SPSB1: variants seen among roughly 807,000 people sequenced by gnomAD.
SPSB1 encodes splA/ryanodine receptor domain and SOCS box containing 1.
In SPSB1, 8 loss-of-function variants were observed where a neutral mutation model predicts 21.2. That is an observed-to-expected ratio of 0.38 (90% CI 0.22 to 0.68). The LOEUF (loss-of-function observed/expected upper bound fraction) is 0.68, where lower values mean the gene tolerates loss of function less well. Ranked by LOEUF, SPSB1 falls within the 30% of genes least tolerant of loss-of-function variation. SPSB1 has a pLI of 0.53. For missense variants in SPSB1, 242 were observed against 377.8 expected, an observed-to-expected ratio of 0.64 and a Z score of 2.98; for synonymous variants, 169 against 161.7, an observed-to-expected ratio of 1.05 and a Z score of -0.34.
intron 1 of SPSB1, among the ~76,000 whole-genome samples, chr1:9,296,064 C>G (rs1459239933): frequency 6.6e-6 from 1 of 152,106 alleles, no homozygotes; most frequent in Admixed American, 6.6e-5. Flanking sequence ...AACATCTCCC[C>G]CAGTCTAAAG....
intron 1 of SPSB1, among the ~76,000 whole-genome samples, chr1:9,294,226 G>A (rs146825591): frequency 2.6e-5 from 4 of 151,862 alleles, no homozygotes; most frequent in Non-Finnish European, 1.5e-5. Context: ...GTGTCTTTGC[G>A]TGTGTGTGTC....
In SPSB1 at chr1:9,298,434, ATGAATAAG is replaced by A. The variant is rs1293499939; in HGVS notation, c.-150+5369_-150+5376del. ...AATGAATGAATAAGTGAACGAATGAATGAATAAGTGAATGAATAAGTGAATGAATGAAT... is the reference window on the plus strand; with the variant it reads ...AATGAATGAATAAGTGAACGAATGAATGAATGAATAAGTGAATGAATGAAT... On this transcript the variant is annotated intron_variant, in intron 1 of 2. Transcript: ENST00000328089. Among the ~76,000 whole-genome samples the A allele has an allele frequency of 8.9e-4, 75 of 83,864 alleles. 1 individual carries two copies. Among genetic ancestry groups the A allele is most frequent in the Admixed American group, 5.2e-3 (39 of 7,466 alleles). The allele number at this position is 83,864 out of a possible 152,430, so 55.0% of individuals were successfully genotyped here.
chr1:9,343,645 T>C (rs188819320), intron 1 of SPSB1, among the ~76,000 whole-genome samples: 1 of 152,376 alleles, frequency 6.6e-6, no homozygotes, highest in African/African-American at 2.4e-5. Flanking sequence ...GGCTCCTTTC[T>C]ACCTCTTTCC....
intron 1 of SPSB1, among the ~76,000 whole-genome samples, chr1:9,312,581 C>T (rs1018092530): frequency 1.1e-4 from 16 of 152,068 alleles, no homozygotes; most frequent in African/African-American, 3.1e-4. Context: ...GGGGGAGGGC[C>T]GCATTCTCCC....
chr1:9,302,872 C>T (rs955502293), intron 1 of SPSB1, among the ~76,000 whole-genome samples: 2 of 152,144 alleles, frequency 1.3e-5, no homozygotes, highest in Non-Finnish European at 2.9e-5. Context: ...ATGGGAGTGG[C>T]ACTGCGCATC....
At chr1:9,325,790 A>G (rs1425666671) in intron 1 of SPSB1, among the ~76,000 whole-genome samples, 1 of 152,174 alleles carries the variant, frequency 6.6e-6, no homozygotes, top group East Asian at 1.9e-4. Flanking sequence ...TGGCTGAGAA[A>G]GGCCTCAGTG....
chr1:9,307,731 G>A (rs142083895), intron 1 of SPSB1, among the ~76,000 whole-genome samples: 8 of 152,282 alleles, frequency 5.3e-5, no homozygotes, highest in Non-Finnish European at 1.0e-4. Flanking sequence ...TGCAGCCAGC[G>A]ATCTTGTTAC....
intron 1 of SPSB1, among the ~76,000 whole-genome samples, chr1:9,303,868 G>A (rs1179349196): frequency 3.3e-5 from 5 of 152,208 alleles, no homozygotes; most frequent in Non-Finnish European, 7.3e-5. Context: ...TGGATAGATG[G>A]TAAAGCATTG....
rs1182292981 is a variant in SPSB1, at chr1:9,321,565, A to T, written c.-150+28494A>T. Among the ~76,000 whole-genome samples the T allele has an allele frequency of 6.6e-6, 1 of 152,080 alleles. No homozygotes were observed. The highest frequency in any genetic ancestry group is 1.9e-4 in the East Asian group (1 of 5,198). ...GGGGAAGAGGGTGTTTGAGAGACTG[A>T]TGAGTCAGTGAGGGAGACCGATGCA... On this transcript the variant is annotated intron_variant, in intron 1 of 2. Coordinates refer to ENST00000328089, the MANE Select transcript of SPSB1 (RefSeq NM_025106.4). The surrounding 1 kb of genome is among the most constrained non-coding windows in gnomAD (Gnocchi z 4.8).
intron 2 of SPSB1, among the ~76,000 whole-genome samples, chr1:9,358,037 C>G (rs939164192): frequency 3.9e-5 from 6 of 152,168 alleles, no homozygotes; most frequent in Admixed American, 1.3e-4. Context: ...TGAGGCCCCC[C>G]ACCAGAGGTC....
intron 1 of SPSB1, among the ~76,000 whole-genome samples, chr1:9,313,107 A>T (rs1466875521): frequency 6.6e-6 from 1 of 152,224 alleles, no homozygotes; most frequent in African/African-American, 2.4e-5. Flanking sequence ...AAGTTTAAAA[A>T]AAGTCAAGTC....
At chr1:9,314,833 C>T (rs898748445) in intron 1 of SPSB1, among the ~76,000 whole-genome samples, 7 of 152,160 alleles carry the variant, frequency 4.6e-5, no homozygotes, top group African/African-American at 1.7e-4. Flanking sequence ...CCCCCGGGGT[C>T]AGGAAGGAGG....
At chr1:9,337,498 G>A (rs922336408) in intron 1 of SPSB1, among the ~76,000 whole-genome samples, 3 of 151,986 alleles carry the variant, frequency 2.0e-5, no homozygotes, top group Non-Finnish European at 2.9e-5. Context: ...TCTTTGGGGG[G>A]ATGGGAGAAC....
chr1:9,316,174 G>A (rs1639609968), intron 1 of SPSB1, among the ~76,000 whole-genome samples: 1 of 152,180 alleles, frequency 6.6e-6, no homozygotes, highest in Non-Finnish European at 1.5e-5. Flanking sequence ...TGGGGACCTG[G>A]GTGAAGAGGA....
intron 1 of SPSB1, among the ~76,000 whole-genome samples, chr1:9,308,941 T>C (rs951662847): frequency 5.3e-5 from 8 of 151,768 alleles, no homozygotes; most frequent in African/African-American, 1.9e-4. Context: ...GCCCAGCAGG[T>C]GTATGCAGGA....
intron 1 of SPSB1, among the ~76,000 whole-genome samples, chr1:9,323,277 AG>A (rs904483687): frequency 3.9e-5 from 6 of 152,108 alleles, no homozygotes; most frequent in African/African-American, 1.4e-4. Context: ...CGCCGAGCCG[AG>A]GGGGGCTGTG....
intron 1 of SPSB1, among the ~76,000 whole-genome samples, chr1:9,344,409 A>T (rs1640138972): frequency 6.6e-6 from 1 of 152,152 alleles, no homozygotes; most frequent in South Asian, 2.1e-4. Flanking sequence ...CGCCAGACAG[A>T]GGGAGGCCTG....
chr1:9,340,585 T>G (rs1640074508), intron 1 of SPSB1, among the ~76,000 whole-genome samples: 1 of 152,178 alleles, frequency 6.6e-6, no homozygotes, highest in African/African-American at 2.4e-5. Context: ...CTGTGGAAAC[T>G]CCACGCCTGG....
At position 9,293,111 on chromosome 1, in the gene SPSB1, G is replaced by A; in HGVS notation, c.-150+40G>A. ...GCACCTGGGACCCCGATGGGTGGGC[G>A]ACCGGCCCGGGAGGGGGAGGCGCGG... On this transcript the variant is annotated intron_variant, in intron 1 of 2. Coordinates refer to ENST00000328089, the MANE Select transcript of SPSB1 (RefSeq NM_025106.4). The surrounding 1 kb of genome is among the most constrained non-coding windows in gnomAD (Gnocchi z 5.1). 2 of 977,326 alleles carry A rather than the reference G, an allele frequency of 2.0e-6. No individual in the cohort carries two copies. The highest frequency in any genetic ancestry group is 9.1e-5 in the South Asian group (2 of 21,898). 60.5% of individuals were successfully genotyped at this position (977,326 alleles called of 1,614,324 possible).
Sources: gnomAD v4.1 joint callset for allele counts (sites outside exome capture counted in the v4.1 genomes callset) on GRCh38, gnomAD v4.1.1 for gene constraint, Gnocchi (gnomAD v3.1) non-coding constraint, MANE v1.5 for transcripts, NCBI Gene and HGNC (gene_info 2026-07-23, HGNC 2026-07-21) for gene names.